RPGR: variants seen among roughly 807,000 people sequenced by gnomAD.
RPGR encodes X-linked retinitis pigmentosa GTPase regulator.
A neutral mutation model predicts 56.3 loss-of-function variants in RPGR; 10 were observed. The observed-to-expected ratio is 0.18, with a 90% CI of 0.11 to 0.30. The LOEUF (loss-of-function observed/expected upper bound fraction) is 0.30. Among genes scored for constraint, RPGR ranks in the 10% least tolerant of loss-of-function variants. The pLI, the probability that RPGR is intolerant of heterozygous loss-of-function variation, is 1.00. For missense variants in RPGR, 538 were observed against 590.9 expected (o/e 0.91, Z 0.93); for synonymous variants, 197 against 212.9 (o/e 0.93, Z 0.65).
chrX:38,313,783 T>C (rs919710361), intron 6 of RPGR, among the ~76,000 whole-genome samples: 1 of 111,274 alleles, frequency 9.0e-6, no homozygotes, highest in African/African-American at 3.3e-5. Flanking sequence ...TTGAAAATGC[T>C]TTGTACATGG....
intron 7 of RPGR, 68 bp downstream of exon 7, chrX:38,310,546 AT>A: frequency 1.9e-6 from 2 of 1,068,868 alleles, no homozygotes; most frequent in Non-Finnish European, 2.6e-6. Context: ...CATAAAAAAA[AT>A]GAACATTAAA....
At position 38,323,419 on chromosome X, in the gene RPGR, T is replaced by C; in HGVS notation, c.134A>G (p.Glu45Gly). Residue 45 changes from glutamate (E) to glycine (G), a missense_variant, in exon 2 of 19, where the codon GAA (glutamate) becomes GGA (glycine). By Grantham distance (98) the Glu-to-Gly change is moderately conservative (BLOSUM62 -2). This residue lies in a region of RPGR where 181 missense variants were observed against 265.1 expected (regional missense o/e 0.68). Coordinates refer to ENST00000642395, the MANE Select transcript of RPGR (RefSeq NM_000328.3). ...CTAACCGGTAACAACAGCAGAATGT[T>C]CATCTCCACATGAAAGATGTACAGG... The C allele has an allele frequency of 8.3e-7, 1 of 1,205,370 alleles. No individual in the cohort carries two copies. Among genetic ancestry groups the C allele is most frequent in the Non-Finnish European group, 1.1e-6 (1 of 889,824 alleles).
chrX:38,290,288 C>T (rs1015071716), intron 13 of RPGR, among the ~76,000 whole-genome samples: 5 of 111,657 alleles, frequency 4.5e-5, no homozygotes, highest in Admixed American at 2.9e-4. Flanking sequence ...TCATTCATTG[C>T]ACTAGTCCTT....
intron 6 of RPGR, among the ~76,000 whole-genome samples, chrX:38,313,235 A>G (rs1172334409): frequency 9.0e-6 from 1 of 111,622 alleles, no homozygotes; most frequent in Non-Finnish European, 1.9e-5. Flanking sequence ...ACAAGAAATA[A>G]TATTTTTTCT....
intron 5 of RPGR, 107 bp downstream of exon 5, chrX:38,318,722 C>T (rs780736400): frequency 2.5e-5 from 21 of 834,267 alleles, no homozygotes; most frequent in Middle Eastern, 2.8e-4. Context: ...CATAGATAGT[C>T]GATGAAAGAA....
At chrX:38,301,145 T>C in intron 9 of RPGR, 102 bp downstream of exon 9, 1 of 698,271 alleles carries the variant, frequency 1.4e-6, no homozygotes, top group Non-Finnish European at 2.1e-6. Flanking sequence ...ATATATATGA[T>C]ACTCTTCCAT....
rs1232638719 is a variant in RPGR, at chrX:38,327,059, T to TA, written c.28+280dup. 11,107 of 250,614 alleles carry TA rather than the reference T, an allele frequency of 0.044. 40 individuals are homozygous for TA. The highest frequency in any genetic ancestry group is 0.064 in the African/African-American group (1,764 of 27,718). The allele number at this position is 250,614 out of a possible 1,213,427, so 20.7% of individuals were successfully genotyped here. ...GCAACAAGAGTGAAACTCCGTCTCATAAAAAAAAAAAAAAAGTGTCCCTGC... is the reference window on the plus strand; with the variant it reads ...GCAACAAGAGTGAAACTCCGTCTCATAAAAAAAAAAAAAAAAGTGTCCCTGC... On this transcript the variant is annotated intron_variant, in intron 1 of 18. Coordinates refer to ENST00000642395, the MANE Select transcript of RPGR (RefSeq NM_000328.3).
At chrX:38,295,127 A>C (rs1053477430) in intron 11 of RPGR, among the ~76,000 whole-genome samples, 1 of 111,910 alleles carries the variant, frequency 8.9e-6, no homozygotes, top group African/African-American at 3.3e-5. Flanking sequence ...TCTTTCTCCA[A>C]TACTGCTTTA....
intron 3 of RPGR, among the ~76,000 whole-genome samples, chrX:38,321,963 T>C (rs2067949752): frequency 8.9e-6 from 1 of 112,030 alleles, no homozygotes; most frequent in Non-Finnish European, 1.9e-5. Context: ...AAGGATCCCA[T>C]AGTCTAAACA....
intron 7 of RPGR, among the ~76,000 whole-genome samples, chrX:38,308,618 A>G (rs1354007524): frequency 1.8e-5 from 2 of 111,804 alleles, no homozygotes; most frequent in Admixed American, 1.9e-4. Context: ...TATAACACAT[A>G]AAGTTGCATT....
In RPGR at chrX:38,285,414, CTTTTT is replaced by C. The variant is rs35637775; in HGVS notation, c.1905+1675_1905+1679del. On this transcript the variant is annotated intron_variant, in intron 15 of 18. Coordinates refer to ENST00000642395, the MANE Select transcript of RPGR (RefSeq NM_000328.3). Reference sequence around the variant, plus strand: ...CTCCTTAACACAGCTGCATCAGTTGCTTTTTTTTTTACTACACATAAAATAATTGA... The same window carrying C: ...CTCCTTAACACAGCTGCATCAGTTGCTTTTTACTACACATAAAATAATTGA... The C allele has an allele frequency of 3.9e-6, 4 of 1,027,228 alleles. No individual in the cohort carries two copies. In the African/African-American group the frequency reaches 5.9e-5, roughly 15 times the overall value. 84.7% of individuals were successfully genotyped at this position (1,027,228 alleles called of 1,213,427 possible).
chrX:38,282,589 G>A (rs956711104), intron 15 of RPGR, among the ~76,000 whole-genome samples: 2 of 111,636 alleles, frequency 1.8e-5, no homozygotes, highest in African/African-American at 6.5e-5. Flanking sequence ...ACATGCTTCT[G>A]CTCCCTTATT....
At chrX:38,323,173 T>G (rs1264758582) in intron 2 of RPGR, among the ~76,000 whole-genome samples, 1 of 112,070 alleles carries the variant, frequency 8.9e-6, no homozygotes, top group Non-Finnish European at 1.9e-5. Flanking sequence ...AATAGATTCA[T>G]TCCAAGAAAG....
At chrX:38,275,684 C>T (rs1192286550) in intron 16 of RPGR, among the ~76,000 whole-genome samples, 1 of 111,478 alleles carries the variant, frequency 9.0e-6, no homozygotes, top group Non-Finnish European at 1.9e-5. Flanking sequence ...AAACATGTTT[C>T]ACAAGTACAC....
At chrX:38,284,141 C>T (rs1283908462) in intron 15 of RPGR, among the ~76,000 whole-genome samples, 1 of 111,512 alleles carries the variant, frequency 9.0e-6, no homozygotes, top group Non-Finnish European at 1.9e-5. Context: ...AACTCAACTA[C>T]ACAAAACTCA....
rs752273758 is a variant in RPGR, at chrX:38,275,043, G to GTGTA, written c.2149+42_2149+45dup. 6.2e-5 allele frequency: 60 copies of GTGTA among 963,789 alleles called. No individual in the cohort carries two copies. In the East Asian group the frequency reaches 1.3e-3, roughly 21 times the overall value. 79.4% of individuals were successfully genotyped at this position (963,789 alleles called of 1,213,427 possible). A position where few individuals can be genotyped will look rare whatever the true frequency, so the allele number is the denominator to read the frequency against. On this transcript the variant is annotated intron_variant, in intron 17 of 18. Coordinates refer to ENST00000642395, the MANE Select transcript of RPGR (RefSeq NM_000328.3). Reference sequence around the variant, plus strand: ...ATGGCATACATACACATATATATGTGTGTATGTATGTATGTATATATGTAT... The same window carrying GTGTA: ...ATGGCATACATACACATATATATGTGTGTATGTATGTATGTATGTATATATGTAT...
rs560275813 is a variant in RPGR at position 38,324,015 on chromosome X, T to G, written c.29-491A>C. 7.1e-5 allele frequency among the ~76,000 whole-genome samples: 8 copies of G among 112,201 alleles called. No individual in the cohort carries two copies. In the South Asian group the frequency reaches 3.0e-3, roughly 42 times the overall value. On this transcript the variant is annotated intron_variant, in intron 1 of 18. Coordinates refer to ENST00000642395, the MANE Select transcript of RPGR (RefSeq NM_000328.3). ...CTCTATCAGTCAATTTGGATTTTCT[T>G]TGGTCCAGTTTTTCCAAGGAACCTC...
At chrX:38,325,819 G>C (rs2068038834) in intron 1 of RPGR, 1 of 111,632 alleles carries the variant, frequency 9.0e-6, no homozygotes, top group African/African-American at 3.3e-5. Flanking sequence ...GCGTCATTTT[G>C]AAGAAAGACT....
intron 15 of RPGR, among the ~76,000 whole-genome samples, chrX:38,279,586 T>A (rs1444048849): frequency 2.7e-5 from 3 of 111,175 alleles, no homozygotes; most frequent in African/African-American, 9.8e-5. Context: ...TGAAAGGGGT[T>A]AAAGTGAAGC....
Sources: allele counts gnomAD v4.1 joint callset (sites outside exome capture counted in the v4.1 genomes callset), GRCh38; gene constraint gnomAD v4.1.1; regional missense constraint gnomAD v4.1.1; transcripts MANE v1.5; gene names NCBI Gene and HGNC (gene_info 2026-07-23, HGNC 2026-07-21).